LMX1A: variants seen among roughly 807,000 people sequenced by gnomAD.
LMX1A encodes the protein LIM homeobox transcription factor 1-alpha.
A neutral mutation model predicts 49.1 loss-of-function variants in LMX1A; 15 were observed. That is an observed-to-expected ratio of 0.31 (90% CI 0.20 to 0.47). The LOEUF is 0.47. Among genes scored for constraint, LMX1A ranks in the 20% least tolerant of loss-of-function variants. The pLI is 1.00. For missense variants in LMX1A, 372 were observed against 475.8 expected, an observed-to-expected ratio of 0.78 and a Z score of 2.03; for synonymous variants, 167 against 185.7, an observed-to-expected ratio of 0.90 and a Z score of 0.82.
At chr1:165,325,544 A>G (rs974733942) in intron 3 of LMX1A, among the ~76,000 whole-genome samples, 1 of 152,204 alleles carries the variant, frequency 6.6e-6, no homozygotes, top group Non-Finnish European at 1.5e-5. Context: ...AGGATTATCT[A>G]TGACAGCCCC....
At chr1:165,233,177 G>A (rs1332890326) in intron 4 of LMX1A, among the ~76,000 whole-genome samples, 2 of 152,180 alleles carry the variant, frequency 1.3e-5, no homozygotes, top group Non-Finnish European at 1.5e-5. Flanking sequence ...AGTTTTGGCC[G>A]GGCACGGCGG....
intron 3 of LMX1A, among the ~76,000 whole-genome samples, chr1:165,285,499 C>T (rs1224098525): frequency 6.6e-6 from 1 of 152,200 alleles, no homozygotes; most frequent in Non-Finnish European, 1.5e-5. Flanking sequence ...TGTTCTGTGT[C>T]TCTGCGTTGT....
At chr1:165,234,217 C>T (rs955724542) in intron 4 of LMX1A, among the ~76,000 whole-genome samples, 1 of 152,194 alleles carries the variant, frequency 6.6e-6, no homozygotes, top group Non-Finnish European at 1.5e-5. Flanking sequence ...TGCCTGGATA[C>T]AACCCTACCC....
intron 1 of LMX1A, 180 bp downstream of exon 1, chr1:165,356,175 G>T (rs1379319339): frequency 6.6e-6 from 1 of 152,364 alleles, no homozygotes; most frequent in East Asian, 1.9e-4. Context: ...GAGCCGGTGT[G>T]CGGGGCGCGC....
rs553179617 is a variant in LMX1A, at chr1:165,274,707, C to T, written c.264-25067G>A. Among the ~76,000 whole-genome samples, 23 of 152,292 alleles carry T rather than the reference C, an allele frequency of 1.5e-4. 1 individual carries two copies. The highest frequency in any genetic ancestry group is 1.3e-3 in the Admixed American group (20 of 15,296). On this transcript the variant is annotated intron_variant, in intron 3 of 8. Transcript: ENST00000342310. ...CTCAGGGCTGCTATGTCCCTTGAAA[C>T]TTTATGGCATCGTTGCCATGGCGGT...
intron 3 of LMX1A, among the ~76,000 whole-genome samples, chr1:165,342,118 G>T (rs1656094902): frequency 6.6e-6 from 1 of 152,160 alleles, no homozygotes; most frequent in Non-Finnish European, 1.5e-5. Context: ...TACAATACAG[G>T]AATACTCAGT....
At chr1:165,219,772 A>C (rs191449096) in intron 4 of LMX1A, among the ~76,000 whole-genome samples, 30 of 152,332 alleles carry the variant, frequency 2.0e-4, no homozygotes, top group Admixed American at 1.8e-3. Flanking sequence ...CTTAGCACTT[A>C]TTATGGGCTA....
chr1:165,227,884 C>T (rs1652092925), intron 4 of LMX1A, among the ~76,000 whole-genome samples: 1 of 151,988 alleles, frequency 6.6e-6, no homozygotes, highest in Admixed American at 6.6e-5. Flanking sequence ...TAGTCACAAG[C>T]TAGGGAGATA....
intron 3 of LMX1A, among the ~76,000 whole-genome samples, chr1:165,303,117 CT>C (rs1654824731): frequency 6.6e-6 from 1 of 152,280 alleles, no homozygotes; most frequent in African/African-American, 2.4e-5. Flanking sequence ...ACTTTTCAAG[CT>C]TTGAGGAGAA....
chr1:165,302,109 C>T (rs1227587647), intron 3 of LMX1A, among the ~76,000 whole-genome samples: 1 of 152,004 alleles, frequency 6.6e-6, no homozygotes, highest in African/African-American at 2.4e-5. Flanking sequence ...CTCCCAAACC[C>T]CCTTTTCTGC....
At chr1:165,288,709 C>T (rs1241429926) in intron 3 of LMX1A, among the ~76,000 whole-genome samples, 3 of 152,166 alleles carry the variant, frequency 2.0e-5, no homozygotes, top group African/African-American at 4.8e-5. Context: ...CGTGTGTATG[C>T]GTGTTTGCGC....
intron 3 of LMX1A, among the ~76,000 whole-genome samples, chr1:165,301,336 C>T (rs1654769071): frequency 6.6e-6 from 1 of 151,498 alleles, no homozygotes; most frequent in Non-Finnish European, 1.5e-5. Flanking sequence ...TTGGCTTACA[C>T]CAAAACTAGC....
At chr1:165,324,251 T>C (rs1655505436) in intron 3 of LMX1A, among the ~76,000 whole-genome samples, 3 of 152,216 alleles carry the variant, frequency 2.0e-5, no homozygotes, top group African/African-American at 4.8e-5. Context: ...CACCTAGGGC[T>C]GAACATCCGA....
intron 3 of LMX1A, among the ~76,000 whole-genome samples, chr1:165,278,556 TTC>T (rs891963192): frequency 6.6e-6 from 1 of 152,116 alleles, no homozygotes; most frequent in Non-Finnish European, 1.5e-5. Flanking sequence ...GCCTGCTGCA[TTC>T]TCTCTTCTCT....
intron 3 of LMX1A, among the ~76,000 whole-genome samples, chr1:165,318,701 C>T (rs1655290564): frequency 6.6e-6 from 1 of 152,036 alleles, no homozygotes. Flanking sequence ...TTTTACCCTT[C>T]ACCTTTTGGC....
intron 7 of LMX1A, chr1:165,207,703 C>T (rs112962055): frequency 4.4e-5 from 11 of 251,198 alleles, no homozygotes; most frequent in African/African-American, 8.9e-5. Context: ...GCCAAGTCAC[C>T]GAGGTGTCTT....
intron 3 of LMX1A, among the ~76,000 whole-genome samples, chr1:165,264,736 C>T (rs1047941970): frequency 5.3e-5 from 8 of 152,154 alleles, no homozygotes; most frequent in Admixed American, 3.3e-4. Flanking sequence ...GCAGGAGGAA[C>T]GCTTTAGCCC....
At position 165,355,048 on chromosome 1, in the gene LMX1A, A is replaced by G. The variant is rs529325937; in HGVS notation, c.76+436T>C. 6.6e-6 allele frequency among the ~76,000 whole-genome samples: 1 copy of G among 152,066 alleles called. No homozygotes were observed. Among genetic ancestry groups the G allele is most frequent in the Non-Finnish European group, 1.5e-5 (1 of 67,980 alleles). ...TCTCTCGGCCTTGCCCATGGCTGAAATTGGGGCTGGAGTTGGTGGGGGAGA... is the reference window on the plus strand; with the variant it reads ...TCTCTCGGCCTTGCCCATGGCTGAAGTTGGGGCTGGAGTTGGTGGGGGAGA... On this transcript the variant is annotated intron_variant, in intron 2 of 8. Coordinates refer to ENST00000342310, the MANE Select transcript of LMX1A (RefSeq NM_177398.4). The surrounding 1 kb of genome is among the most constrained non-coding windows in gnomAD (Gnocchi z 4.7).
chr1:165,255,105 G>C (rs1161123948), intron 3 of LMX1A, among the ~76,000 whole-genome samples: 1 of 152,176 alleles, frequency 6.6e-6, no homozygotes, highest in Non-Finnish European at 1.5e-5. Flanking sequence ...CCTCTCCTTA[G>C]GGAGTTCACA....
Sources: gnomAD v4.1 joint callset for allele counts (sites outside exome capture counted in the v4.1 genomes callset) on GRCh38, gnomAD v4.1.1 for gene constraint, Gnocchi (gnomAD v3.1) non-coding constraint, MANE v1.5 for transcripts, NCBI Gene and HGNC (gene_info 2026-07-23, HGNC 2026-07-21) for gene names.